TBX20: variants seen among roughly 807,000 people sequenced by gnomAD.
TBX20 encodes the protein T-box transcription factor TBX20.
TBX20 carries 8 observed loss-of-function variants against 42.9 expected under a neutral mutation model. The observed-to-expected ratio is 0.19, with a 90% CI of 0.11 to 0.34. TBX20 has a LOEUF of 0.34. Ranked by LOEUF, TBX20 falls within the 10% of genes least tolerant of loss-of-function variation. TBX20 has a pLI of 1.00. For missense variants in TBX20, 411 were observed against 566.0 expected, an observed-to-expected ratio of 0.73 and a Z score of 2.78; for synonymous variants, 198 against 222.8, an observed-to-expected ratio of 0.89 and a Z score of 0.99.
intron 6 of TBX20, among the ~76,000 whole-genome samples, chr7:35,225,776 A>G (rs1336325784): frequency 6.6e-6 from 1 of 152,246 alleles, no homozygotes; most frequent in Non-Finnish European, 1.5e-5. Flanking sequence ...ACATTTATGT[A>G]GAAGACCTGA....
rs568154762 is a variant in TBX20 at position 35,242,801 on chromosome 7, C to G, written c.655-1764G>C. ...ATAGAAACGTGGACTCTGCTTCACTCAAGAAATAATTCTTGAGAATATGAA... is the reference window on the plus strand; with the variant it reads ...ATAGAAACGTGGACTCTGCTTCACTGAAGAAATAATTCTTGAGAATATGAA... On this transcript the variant is annotated intron_variant, in intron 4 of 7. Coordinates refer to ENST00000408931, the MANE Select transcript of TBX20 (RefSeq NM_001077653.2). 3.9e-5 allele frequency among the ~76,000 whole-genome samples: 6 copies of G among 152,196 alleles called. No individual in the cohort carries two copies. In the East Asian group the frequency reaches 1.2e-3, roughly 29 times the overall value.
At chr7:35,213,790 G>A (rs967115019) in intron 6 of TBX20, among the ~76,000 whole-genome samples, 1 of 148,396 alleles carries the variant, frequency 6.7e-6, no homozygotes, top group African/African-American at 2.5e-5. Context: ...TGTACACTGG[G>A]GAGCCTAACA....
chr7:35,245,194 T>G (rs1790158290), intron 3 of TBX20, 137 bp from the exon 4 acceptor site: 1 of 640,766 alleles, frequency 1.6e-6, no homozygotes, highest in South Asian at 1.7e-5. Context: ...TACCTCAAAT[T>G]TATTACTATT....
intron 6 of TBX20, among the ~76,000 whole-genome samples, chr7:35,218,252 T>G (rs985440398): frequency 6.6e-6 from 1 of 152,206 alleles, no homozygotes; most frequent in Non-Finnish European, 1.5e-5. Context: ...AGATTTACTA[T>G]GGTTTTAATG....
intron 5 of TBX20, among the ~76,000 whole-genome samples, chr7:35,232,582 G>A (rs1789887982): frequency 6.6e-6 from 1 of 152,158 alleles, no homozygotes; most frequent in Non-Finnish European, 1.5e-5. Context: ...AACCTTTATG[G>A]AATCATAGCT....
At chr7:35,235,865 C>T (rs113923135) in intron 5 of TBX20, among the ~76,000 whole-genome samples, 112 of 152,190 alleles carry the variant, frequency 7.4e-4, no homozygotes, top group Admixed American at 2.2e-3. Context: ...CTAGGGTTCC[C>T]AGCCACAAGG....
chr7:35,248,692 G>A lies in TBX20; in HGVS notation c.530C>T (p.Pro177Leu), dbSNP rs775921420. 4 of 1,612,456 alleles carry A rather than the reference G, an allele frequency of 2.5e-6. No individual in the cohort carries two copies. The highest frequency in any genetic ancestry group is 2.2e-5 in the East Asian group (1 of 44,862). Reference sequence around the variant, plus strand: ...AGGCACGAACCTGGCTGGCAACGGCGGGTCGGCCTTGCCAGCCACCAGCCA... The same window carrying A: ...AGGCACGAACCTGGCTGGCAACGGCAGGTCGGCCTTGCCAGCCACCAGCCA... ...SSWLVAGKADPPLPARLYVHP... is the reference protein window; with the variant it reads ...SSWLVAGKADLPLPARLYVHP... The change falls in exon 3 of 8, where the codon CCG becomes CTG. Residue 177 changes from proline to leucine, a missense_variant. Pro to Leu is a moderately conservative substitution (Grantham distance 98, BLOSUM62 -3). Transcript: ENST00000408931.
intron 4 of TBX20, among the ~76,000 whole-genome samples, chr7:35,242,858 A>T (rs537709596): frequency 6.6e-6 from 1 of 152,226 alleles, no homozygotes; most frequent in Admixed American, 6.5e-5. Context: ...AACTGCATCT[A>T]TAAGAGAGGC....
chr7:35,232,466 G>A (rs1789885615), intron 5 of TBX20, among the ~76,000 whole-genome samples: 1 of 152,178 alleles, frequency 6.6e-6, no homozygotes, highest in Non-Finnish European at 1.5e-5. Flanking sequence ...AAAGGAAGCT[G>A]AGAGACCATC....
chr7:35,205,195 A>G (rs1789380223), intron 6 of TBX20, among the ~76,000 whole-genome samples: 1 of 152,262 alleles, frequency 6.6e-6, no homozygotes, highest in South Asian at 2.1e-4. Flanking sequence ...CATGAAGAAA[A>G]CACAAATGAC....
chr7:35,213,877 CAAAAAAAA>C lies in TBX20; in HGVS notation c.891-9303_891-9296del, dbSNP rs59548164. Among the ~76,000 whole-genome samples the C allele has an allele frequency of 3.1e-3, 186 of 59,774 alleles. 1 individual carries two copies. Among genetic ancestry groups the C allele is most frequent in the African/African-American group, 0.012 (174 of 14,788 alleles). The allele number at this position is 59,774 out of a possible 152,430, so 39.2% of individuals were successfully genotyped here. The stretch of plus-strand genomic sequence containing the variant: ...TATGAACAAGGAATTGCAGAGATAG[CAAAAAAAA>C]AAAAAAAAAAAAAAAATTCCCTGTC... On this transcript the variant is annotated intron_variant, in intron 6 of 7. Transcript: ENST00000408931.
At chr7:35,221,591 T>C (rs1789685223) in intron 6 of TBX20, among the ~76,000 whole-genome samples, 1 of 152,118 alleles carries the variant, frequency 6.6e-6, no homozygotes, top group African/African-American at 2.4e-5. Context: ...AAAAGGAAGG[T>C]TAAAAGAGTT....
At chr7:35,225,105 T>G (rs1789747404) in intron 6 of TBX20, among the ~76,000 whole-genome samples, 1 of 152,272 alleles carries the variant, frequency 6.6e-6, no homozygotes, top group South Asian at 2.1e-4. Context: ...AAATGAAAAT[T>G]TATTAAAACT....
At chr7:35,206,697 C>A (rs967011156) in intron 6 of TBX20, among the ~76,000 whole-genome samples, 1 of 152,230 alleles carries the variant, frequency 6.6e-6, no homozygotes, top group East Asian at 1.9e-4. Context: ...TGGTCCCCAT[C>A]GCAACAAACC....
Position 35,218,660 on chromosome 7 carries a change from T to A in TBX20, c.890+12844A>T, listed in dbSNP as rs112116721. ...TTCCATTTTTACAGGATTATAATAT[T>A]ATAATATGTTGCTCTATATTCCAGA... On this transcript the variant is annotated intron_variant, in intron 6 of 7. Coordinates refer to ENST00000408931, the MANE Select transcript of TBX20 (RefSeq NM_001077653.2). 3.4e-3 allele frequency among the ~76,000 whole-genome samples: 515 copies of A among 152,336 alleles called. 3 individuals are homozygous for A. The highest frequency in any genetic ancestry group is 0.012 in the African/African-American group (486 of 41,578).
At chr7:35,228,094 AT>A (rs899751760) in intron 6 of TBX20, among the ~76,000 whole-genome samples, 7 of 70,556 alleles carry the variant, frequency 9.9e-5, no homozygotes, top group Non-Finnish European at 1.9e-4. Flanking sequence ...TAATACTATG[AT>A]AAAAAAAAAA....
At chr7:35,231,249 G>A (rs1789860639) in intron 6 of TBX20, among the ~76,000 whole-genome samples, 1 of 152,076 alleles carries the variant, frequency 6.6e-6, no homozygotes, top group South Asian at 2.1e-4. Context: ...TAACAACAAA[G>A]CCCTATTTTT....
chr7:35,218,017 G>A (rs1459711493), intron 6 of TBX20, among the ~76,000 whole-genome samples: 1 of 152,162 alleles, frequency 6.6e-6, no homozygotes, highest in African/African-American at 2.4e-5. Context: ...ATTGCGCCCG[G>A]CCCAAAAGCA....
intron 5 of TBX20, among the ~76,000 whole-genome samples, chr7:35,232,538 T>C (rs1033637249): frequency 6.6e-6 from 1 of 152,166 alleles, no homozygotes; most frequent in Non-Finnish European, 1.5e-5. Flanking sequence ...AGGGCCAAGA[T>C]TCAGCTGGTC....
Sources: gnomAD v4.1 joint callset for allele counts (sites outside exome capture counted in the v4.1 genomes callset) on GRCh38, gnomAD v4.1.1 for gene constraint, MANE v1.5 for transcripts, NCBI Gene and HGNC (gene_info 2026-07-23, HGNC 2026-07-21) for gene names.